The following MBNL3 variants were observed in gnomAD, a reference collection of about 807,000 sequenced individuals.
MBNL3 encodes the protein muscleblind-like protein 3.
A neutral mutation model predicts 24.5 loss-of-function variants in MBNL3; 6 were observed. The observed-to-expected ratio is 0.25, with a 90% CI of 0.13 to 0.48. The LOEUF (loss-of-function observed/expected upper bound fraction) is 0.48. MBNL3 is among the 20% of genes least tolerant of loss of function. The pLI, the probability that MBNL3 is intolerant of heterozygous loss-of-function variation, is 0.99. For synonymous variants in MBNL3, 100 were observed against 101.7 expected (o/e 0.98, Z 0.10); for missense variants, 230 against 293.5 (o/e 0.78, Z 1.58).
chrX:132,459,428 T>C, intron 1 of MBNL3, among the ~76,000 whole-genome samples: 1 of 111,482 alleles, frequency 9.0e-6, no homozygotes, highest in Non-Finnish European at 1.9e-5. Context: ...TATAGGATTA[T>C]GGAATGTGCT....
chrX:132,429,350 G>A (rs983310206), intron 2 of MBNL3, among the ~76,000 whole-genome samples: 5 of 111,983 alleles, frequency 4.5e-5, no homozygotes, highest in South Asian at 3.7e-4. Context: ...GTGATACACA[G>A]CCACAGTTAC....
chrX:132,464,288 TAATC>T (rs1161969155), intron 1 of MBNL3, among the ~76,000 whole-genome samples: 1 of 112,538 alleles, frequency 8.9e-6, no homozygotes, highest in Non-Finnish European at 1.9e-5. Context: ...TTTTTCCTAA[TAATC>T]AAATACAAAT....
At chrX:132,390,290 A>T (rs989848041) in intron 5 of MBNL3, among the ~76,000 whole-genome samples, 12 of 95,328 alleles carry the variant, frequency 1.3e-4, no homozygotes, top group Non-Finnish European at 2.5e-4. Flanking sequence ...AAAAAAAAAA[A>T]ACCAAAGTCA....
intron 2 of MBNL3, among the ~76,000 whole-genome samples, chrX:132,408,689 C>A (rs956566487): frequency 1.8e-5 from 2 of 111,504 alleles, no homozygotes; most frequent in African/African-American, 6.5e-5. Context: ...TTATCTTAAG[C>A]TTTTTCTTGG....
chrX:132,384,664 A>C lies in MBNL3; in HGVS notation c.957T>G (p.Ile319Met). The change falls in exon 7 of 9, where the codon ATT (isoleucine) becomes ATG (methionine). Residue 319 changes from isoleucine (I) to methionine (M), a missense_variant and splice_region_variant. Coordinates refer to ENST00000370853, the MANE Select transcript of MBNL3 (RefSeq NM_001386889.1). ...PILCMAPASN[I>M]VPMMHGATPT... ...TGATAATTTTTGTAGAAAACCTACC[A>C]ATATTTGAAGCGGGTGCCATGCACA... 8.4e-7 allele frequency: 1 copy of C among 1,197,530 alleles called. No individual in the cohort carries two copies. The highest frequency in any genetic ancestry group is 1.1e-6 in the Non-Finnish European group (1 of 887,423).
At chrX:132,398,348 G>T (rs1444407143) in intron 3 of MBNL3, among the ~76,000 whole-genome samples, 1 of 111,543 alleles carries the variant, frequency 9.0e-6, no homozygotes, top group African/African-American at 3.3e-5. Context: ...TATAAGCAGG[G>T]TAACTTTGAC....
chrX:132,455,455 A>G (rs1264974776), intron 1 of MBNL3, among the ~76,000 whole-genome samples: 1 of 112,179 alleles, frequency 8.9e-6, no homozygotes, highest in Non-Finnish European at 1.9e-5. Flanking sequence ...TCAAATATGA[A>G]AATATTCCAA....
rs1201776482 is a variant in MBNL3, at chrX:132,396,570, ATATATATTCC to A, written c.343-4246_343-4237del. On this transcript the variant is annotated intron_variant, in intron 3 of 8. Transcript: ENST00000370853. Reference sequence around the variant, plus strand: ...CCTATATATTCCTATATATATTCCTATATATATTCCTATATATATTCCTATATATATTCCT... The same window carrying A: ...CCTATATATTCCTATATATATTCCTATATATATATTCCTATATATATTCCT... 3.9e-3 allele frequency among the ~76,000 whole-genome samples: 139 copies of A among 35,503 alleles called. 4 individuals are homozygous for A. The highest frequency in any genetic ancestry group is 5.1e-3 in the Non-Finnish European group (124 of 24,402). 30.8% of individuals were successfully genotyped at this position (35,503 alleles called of 115,157 possible). A position where few individuals can be genotyped will look rare whatever the true frequency, so the allele number is the denominator to read the frequency against.
At chrX:132,444,052 T>A (rs909351479) in intron 1 of MBNL3, among the ~76,000 whole-genome samples, 14 of 90,750 alleles carry the variant, frequency 1.5e-4, no homozygotes, top group Non-Finnish European at 1.9e-4. Flanking sequence ...ATGGCATCTA[T>A]CATATTCTTC....
intron 3 of MBNL3, among the ~76,000 whole-genome samples, chrX:132,397,985 A>G (rs191912431): frequency 1.8e-5 from 2 of 111,108 alleles, no homozygotes; most frequent in Non-Finnish European, 3.8e-5. Context: ...TTAAGTACTA[A>G]TCGTACTTGT....
intron 4 of MBNL3, among the ~76,000 whole-genome samples, chrX:132,391,393 A>G: frequency 8.9e-6 from 1 of 112,057 alleles, no homozygotes; most frequent in Non-Finnish European, 1.9e-5. Flanking sequence ...CACAGCCTTA[A>G]GCATAATTAG....
chrX:132,388,657 G>A (rs1400857842), intron 5 of MBNL3, among the ~76,000 whole-genome samples: 1 of 111,463 alleles, frequency 9.0e-6, no homozygotes, highest in Non-Finnish European at 1.9e-5. Flanking sequence ...CCAATTGGGT[G>A]GTGATTGTAC....
intron 1 of MBNL3, among the ~76,000 whole-genome samples, chrX:132,446,365 C>T (rs895267613): frequency 1.8e-5 from 2 of 111,902 alleles, no homozygotes; most frequent in African/African-American, 6.5e-5. Context: ...CTTGAGGAAT[C>T]GTCACACTGT....
intron 2 of MBNL3, among the ~76,000 whole-genome samples, chrX:132,420,768 T>G (rs773352752): frequency 1.8e-5 from 2 of 110,767 alleles, no homozygotes; most frequent in African/African-American, 6.6e-5. Flanking sequence ...GCCAGTGCAC[T>G]CCAGCCTGGA....
chrX:132,460,063 CAG>C (rs1336164841), intron 1 of MBNL3, among the ~76,000 whole-genome samples: 21 of 111,503 alleles, frequency 1.9e-4, no homozygotes, highest in African/African-American at 6.8e-4. Flanking sequence ...GGATAGAAAA[CAG>C]AGCTGATGTA....
intron 5 of MBNL3, among the ~76,000 whole-genome samples, chrX:132,390,231 CACAAAACAAA>C (rs1289064955): frequency 2.2e-5 from 2 of 92,623 alleles, no homozygotes; most frequent in African/African-American, 8.1e-5. Context: ...CAACCACCCC[CACAAAACAAA>C]ACAAAACAAA....
intron 5 of MBNL3, among the ~76,000 whole-genome samples, chrX:132,387,955 ATTACT>A (rs1428745526): frequency 9.0e-6 from 1 of 111,712 alleles, no homozygotes; most frequent in Non-Finnish European, 1.9e-5. Context: ...GAAGTTTAAC[ATTACT>A]TTACATTTTT....
chrX:132,402,518 A>G (rs181125420), intron 3 of MBNL3, among the ~76,000 whole-genome samples: 530 of 111,724 alleles, frequency 4.7e-3, no homozygotes, highest in Non-Finnish European at 8.1e-3. Flanking sequence ...TATTTGCCTC[A>G]TGATTATGGC....
chrX:132,451,830 G>T (rs747333708), intron 1 of MBNL3, among the ~76,000 whole-genome samples: 3 of 111,889 alleles, frequency 2.7e-5, no homozygotes, highest in Non-Finnish European at 5.6e-5. Context: ...TGGTCTGTGG[G>T]TTGCAAAGAC....
Sources: gnomAD v4.1 joint callset for allele counts (sites outside exome capture counted in the v4.1 genomes callset) on GRCh38, gnomAD v4.1.1 for gene constraint, MANE v1.5 for transcripts, NCBI Gene and HGNC (gene_info 2026-07-23, HGNC 2026-07-21) for gene names.